TENM3: variants seen among roughly 807,000 people sequenced by gnomAD.
TENM3 encodes teneurin-3.
TENM3 carries 63 observed loss-of-function variants against 255.1 expected under a neutral mutation model. That is an observed-to-expected ratio of 0.25 (90% CI 0.20 to 0.30). The LOEUF is 0.30. Ranked by LOEUF, TENM3 falls within the 10% of genes least tolerant of loss-of-function variation. The pLI, the probability that TENM3 is intolerant of heterozygous loss-of-function variation, is 1.00. For synonymous variants in TENM3, 1,306 were observed against 1,322.3 expected (o/e 0.99, Z 0.27); for missense variants, 2,929 against 3,461.1 (o/e 0.85, Z 3.86).
the TENM3 span, among the ~76,000 whole-genome samples, chr4:181,673,845 G>GGT: frequency 0.018 from 2,499 of 137,302 alleles, 18 homozygotes; most frequent in Middle Eastern, 0.029. Flanking sequence ...AGAAGTGTGT[G>GGT]GTGTGTGTGT....
chr4:181,805,414 C>A, the TENM3 span, among the ~76,000 whole-genome samples: 3 of 152,064 alleles, frequency 2.0e-5, no homozygotes, highest in African/African-American at 7.2e-5. Context: ...CCCAGTCTCT[C>A]TAGCCTTCTC....
chr4:182,446,666 C>T (rs980348479), intron 3 of TENM3, among the ~76,000 whole-genome samples: 1 of 151,252 alleles, frequency 6.6e-6, no homozygotes, highest in Non-Finnish European at 1.5e-5. Flanking sequence ...CCCTATATTG[C>T]TCAGGTTGGT....
the TENM3 span, among the ~76,000 whole-genome samples, chr4:181,684,186 C>A: frequency 5.9e-5 from 9 of 152,250 alleles, no homozygotes; most frequent in Non-Finnish European, 1.5e-5. Flanking sequence ...CCGATTGATT[C>A]CGGTTCCTAT....
At chr4:182,766,578 G>T (rs1763737560) in intron 22 of TENM3, among the ~76,000 whole-genome samples, 1 of 152,108 alleles carries the variant, frequency 6.6e-6, no homozygotes, top group Non-Finnish European at 1.5e-5. Context: ...AAAGGAAAGA[G>T]GCATTGGGTC....
the TENM3 span, among the ~76,000 whole-genome samples, chr4:182,024,004 G>T: frequency 2.0e-5 from 3 of 152,154 alleles, no homozygotes; most frequent in African/African-American, 7.2e-5. Context: ...ATTTCATTCC[G>T]CTGTAAGAGA....
In TENM3 at chr4:182,308,250, G is replaced by C. The variant is rs200702344; in HGVS notation, c.-75-15696G>C. Among the ~76,000 whole-genome samples the C allele has an allele frequency of 1.1e-4, 16 of 152,240 alleles. No individual in the cohort carries two copies. The East Asian group carries it at 2.9e-3, about 28-fold the overall frequency. On this transcript the variant is annotated intron_variant, in intron 1 of 27. Coordinates refer to ENST00000511685, the MANE Select transcript of TENM3 (RefSeq NM_001080477.4). ...CCCCAACCCCCTCAGCAGATGACCCGATGCCTGGGTTGGGCGTTGTCTACC... is the reference window on the plus strand; with the variant it reads ...CCCCAACCCCCTCAGCAGATGACCCCATGCCTGGGTTGGGCGTTGTCTACC...
intron 1 of TENM3, among the ~76,000 whole-genome samples, chr4:182,279,527 G>A (rs143661628): frequency 4.6e-5 from 7 of 152,218 alleles, no homozygotes; most frequent in African/African-American, 1.7e-4. Context: ...TTGAAGTCTG[G>A]CCTCAAAGAG....
chr4:182,377,213 A>G (rs996749676), intron 3 of TENM3, among the ~76,000 whole-genome samples: 12 of 152,176 alleles, frequency 7.9e-5, no homozygotes, highest in African/African-American at 2.4e-4. Flanking sequence ...GGAATCCTAC[A>G]CTTGACCTAA....
chr4:181,481,352 A>G, the TENM3 span, among the ~76,000 whole-genome samples: 1 of 152,086 alleles, frequency 6.6e-6, no homozygotes. Flanking sequence ...ATATGGCTTA[A>G]TGTGACAATA....
At chr4:181,888,187 G>A in the TENM3 span, among the ~76,000 whole-genome samples, 5 of 151,862 alleles carry the variant, frequency 3.3e-5, no homozygotes, top group East Asian at 2.0e-4. Flanking sequence ...CCGCCACCAC[G>A]CCAGGCTAAT....
intron 1 of TENM3, among the ~76,000 whole-genome samples, chr4:182,147,455 T>C (rs1750047336): frequency 6.6e-6 from 1 of 152,244 alleles, no homozygotes; most frequent in Non-Finnish European, 1.5e-5. Context: ...GCCTCCTTTT[T>C]ATTAAACTTT....
In TENM3 at chr4:182,800,467, T is replaced by C; in HGVS notation, c.*116T>C. 1 of 1,292,096 alleles carries C rather than the reference T, an allele frequency of 7.7e-7. No homozygotes were observed. The highest frequency in any genetic ancestry group is 1.0e-6 in the Non-Finnish European group (1 of 970,214). The allele number at this position is 1,292,096 out of a possible 1,614,324, so 80.0% of individuals were successfully genotyped here. ...TCCTCCCGGGGGAATGAGACTGCTG[T>C]TACGACCCACACCCACACCGCGAAA... On this transcript the variant is annotated 3_prime_UTR_variant, in exon 28 of 28. Transcript: ENST00000511685.
the TENM3 span, among the ~76,000 whole-genome samples, chr4:181,640,206 C>G: frequency 7.9e-5 from 12 of 152,116 alleles, no homozygotes; most frequent in Non-Finnish European, 1.8e-4. Context: ...AGTCCCTACT[C>G]CAGACCTACT....
At chr4:181,849,949 T>TCTCTCTCTCTCTCACACATACACA in the TENM3 span, among the ~76,000 whole-genome samples, 2 of 65,906 alleles carry the variant, frequency 3.0e-5, no homozygotes, top group Non-Finnish European at 6.6e-5. Flanking sequence ...TCTCTCTCTC[T>TCTCTCTCTCTCTCACACATACACA]CACACACACA....
chr4:182,698,389 T>C (rs376544143), intron 12 of TENM3, among the ~76,000 whole-genome samples: 1 of 152,176 alleles, frequency 6.6e-6, no homozygotes, highest in African/African-American at 2.4e-5. Context: ...TCCTTCCTTA[T>C]CTCCTTCACC....
the TENM3 span, among the ~76,000 whole-genome samples, chr4:181,761,031 G>A: frequency 7.0e-6 from 1 of 143,654 alleles, no homozygotes; most frequent in East Asian, 2.1e-4. Flanking sequence ...AATCATTTTG[G>A]TAAGTCTGTT....
chr4:182,784,682 A>G (rs1348465421), intron 24 of TENM3, among the ~76,000 whole-genome samples: 1 of 150,910 alleles, frequency 6.6e-6, no homozygotes, highest in Non-Finnish European at 1.5e-5. Context: ...TTGATCTCAG[A>G]CTGCTGTGCT....
At chr4:182,429,004 A>G (rs1429886941) in intron 3 of TENM3, among the ~76,000 whole-genome samples, 1 of 152,188 alleles carries the variant, frequency 6.6e-6, no homozygotes. Flanking sequence ...GTTAGGAAAT[A>G]TCTTTGTTTG....
chr4:181,500,232 T>C, the TENM3 span, among the ~76,000 whole-genome samples: 3 of 151,968 alleles, frequency 2.0e-5, no homozygotes, highest in Non-Finnish European at 4.4e-5. Context: ...TTTCATCATA[T>C]TGGTCAGGTT....
Sources: allele counts gnomAD v4.1 joint callset (sites outside exome capture counted in the v4.1 genomes callset), GRCh38; gene constraint gnomAD v4.1.1; transcripts MANE v1.5; gene names NCBI Gene and HGNC (gene_info 2026-07-23, HGNC 2026-07-21).